ZDHHC15: variants seen among roughly 807,000 people sequenced by gnomAD.
The protein encoded by ZDHHC15 is zDHHC palmitoyltransferase 15.
A neutral mutation model predicts 31.7 loss-of-function variants in ZDHHC15; 19 were observed. That is an observed-to-expected ratio of 0.60 (90% CI 0.42 to 0.88). The LOEUF (loss-of-function observed/expected upper bound fraction) is 0.88, where lower values mean the gene tolerates loss of function less well. ZDHHC15 is among the 40% of genes least tolerant of loss of function. The pLI, the probability that ZDHHC15 is intolerant of heterozygous loss-of-function variation, is 0.00. For synonymous variants in ZDHHC15, 103 were observed against 90.0 expected, an observed-to-expected ratio of 1.14 and a Z score of -0.82; for missense variants, 209 against 251.2, an observed-to-expected ratio of 0.83 and a Z score of 1.14.
chrX:75,474,537 T>TAA (rs1213131057), intron 3 of ZDHHC15, among the ~76,000 whole-genome samples: 11 of 98,914 alleles, frequency 1.1e-4, no homozygotes, highest in Non-Finnish European at 1.8e-4. Context: ...TATATATATA[T>TAA]AATCCCCTTT....
intron 1 of ZDHHC15, 134 bp from the exon 2 acceptor site, chrX:75,505,981 A>T (rs952715189): frequency 5.2e-5 from 28 of 537,323 alleles, no homozygotes; most frequent in Non-Finnish European, 4.9e-5. Flanking sequence ...AATTTATATA[A>T]TAGTACTTTA....
chrX:75,519,387 C>T lies in ZDHHC15; in HGVS notation c.136+3502G>A, dbSNP rs146382120. ...TTTTCAGGCATCATGTTATTTGAGC[C>T]TCACAGCAGTAATACCTGGCATATA... On this transcript the variant is annotated intron_variant, in intron 1 of 11. Coordinates refer to ENST00000373367, the MANE Select transcript of ZDHHC15 (RefSeq NM_144969.3). Among the ~76,000 whole-genome samples, 9 of 111,085 alleles carry T rather than the reference C, an allele frequency of 8.1e-5. No homozygotes were observed. In the East Asian group the frequency reaches 2.6e-3, roughly 32 times the overall value.
At chrX:75,399,941 C>T (rs1444854440) in intron 10 of ZDHHC15, among the ~76,000 whole-genome samples, 1 of 111,503 alleles carries the variant, frequency 9.0e-6, no homozygotes, top group Non-Finnish European at 1.9e-5. Context: ...AAAGCCTCAG[C>T]CCAGTGAAAA....
At chrX:75,483,022 T>C (rs1211361987) in intron 2 of ZDHHC15, among the ~76,000 whole-genome samples, 2 of 105,467 alleles carry the variant, frequency 1.9e-5, no homozygotes, top group African/African-American at 3.5e-5. Context: ...TATATGTATA[T>C]ATATACACAC....
intron 4 of ZDHHC15, 122 bp downstream of exon 4, chrX:75,450,680 A>G: frequency 8.5e-7 from 1 of 1,182,153 alleles, no homozygotes; most frequent in Non-Finnish European, 1.1e-6. Flanking sequence ...GTGGAGAAAA[A>G]TCTCCATAGT....
chrX:75,384,870 A>G (rs1004692102), intron 10 of ZDHHC15: 1 of 518,750 alleles, frequency 1.9e-6, no homozygotes, highest in African/African-American at 2.4e-5. Context: ...GGCTGTAAAA[A>G]AAAAGATGGT....
chrX:75,421,408 TATAA>T (rs1175212633), intron 9 of ZDHHC15, among the ~76,000 whole-genome samples: 1 of 8,836 alleles, frequency 1.1e-4, no homozygotes, highest in Non-Finnish European at 8.1e-4. Flanking sequence ...ATTATATATA[TATAA>T]TATATATATA....
At chrX:75,419,154 G>T (rs2083588345) in intron 9 of ZDHHC15, among the ~76,000 whole-genome samples, 1 of 110,561 alleles carries the variant, frequency 9.0e-6, no homozygotes, top group African/African-American at 3.3e-5. Flanking sequence ...CCATCAGAGT[G>T]AACAGACAAT....
rs1017484766 is a variant in ZDHHC15, at chrX:75,407,118, T to C, written c.967+9969A>G. Among the ~76,000 whole-genome samples, 7 of 112,074 alleles carry C rather than the reference T, an allele frequency of 6.2e-5. No individual in the cohort carries two copies. The East Asian group carries it at 1.7e-3, about 27-fold the overall frequency. On this transcript the variant is annotated intron_variant, in intron 10 of 11. Coordinates refer to ENST00000373367, the MANE Select transcript of ZDHHC15 (RefSeq NM_144969.3). ...CCCAGCCGCTACCCCGTATGGGAAG[T>C]GAGGAGCGTCTCTGCCCGGCTGCCC...
chrX:75,406,144 T>C (rs754365244), intron 10 of ZDHHC15, among the ~76,000 whole-genome samples: 37 of 111,329 alleles, frequency 3.3e-4, no homozygotes, highest in African/African-American at 1.2e-3. Flanking sequence ...TTAAAAAATG[T>C]CTTGAAACAA....
intron 2 of ZDHHC15, among the ~76,000 whole-genome samples, chrX:75,492,616 G>T (rs747873296): frequency 9.0e-6 from 1 of 111,645 alleles, no homozygotes; most frequent in African/African-American, 3.3e-5. Context: ...TAGAAATCAG[G>T]ATTAAGAAAC....
intron 2 of ZDHHC15, among the ~76,000 whole-genome samples, chrX:75,492,619 T>A (rs769160424): frequency 1.8e-5 from 2 of 111,733 alleles, no homozygotes; most frequent in Admixed American, 9.6e-5. Flanking sequence ...AAATCAGGAT[T>A]AAGAAACTCA....
chrX:75,408,681 T>C (rs964195801), intron 10 of ZDHHC15, among the ~76,000 whole-genome samples: 16 of 112,444 alleles, frequency 1.4e-4, no homozygotes, highest in African/African-American at 4.2e-4. Flanking sequence ...GCAGATGACC[T>C]GATATTTAGG....
At chrX:75,374,601 T>C (rs1435251273) in intron 11 of ZDHHC15, among the ~76,000 whole-genome samples, 2 of 109,825 alleles carry the variant, frequency 1.8e-5, no homozygotes, top group Non-Finnish European at 3.8e-5. Context: ...TTTATGTGTA[T>C]GAGCAAAAAA....
chrX:75,469,010 G>A (rs1217025204), intron 3 of ZDHHC15, among the ~76,000 whole-genome samples: 2 of 110,384 alleles, frequency 1.8e-5, no homozygotes, highest in Admixed American at 9.8e-5. Flanking sequence ...TTCTTTGGAT[G>A]ATCATCTCAC....
chrX:75,379,230 G>A, intron 10 of ZDHHC15, 32 bp from the exon 11 acceptor site: 1 of 1,204,878 alleles, frequency 8.3e-7, no homozygotes, highest in Non-Finnish European at 1.1e-6. Context: ...ATGATCAAAT[G>A]TCCCCGTGCC....
chrX:75,506,449 A>G (rs2085166086), intron 1 of ZDHHC15, among the ~76,000 whole-genome samples: 1 of 111,983 alleles, frequency 8.9e-6, no homozygotes, highest in South Asian at 3.7e-4. Flanking sequence ...GGTCTATTTT[A>G]TTGGGTCTTA....
chrX:75,461,045 A>G (rs949472582), intron 3 of ZDHHC15, among the ~76,000 whole-genome samples: 7 of 111,693 alleles, frequency 6.3e-5, no homozygotes, highest in Admixed American at 5.7e-4. Flanking sequence ...AATCATGATA[A>G]AACAATACAG....
At chrX:75,434,669 G>T (rs377129378) in intron 4 of ZDHHC15, among the ~76,000 whole-genome samples, 65 of 111,573 alleles carry the variant, frequency 5.8e-4, no homozygotes, top group African/African-American at 2.1e-3. Context: ...CTTATTTCTG[G>T]GTTCCTATTC....
Sources: allele counts gnomAD v4.1 joint callset (sites outside exome capture counted in the v4.1 genomes callset), GRCh38; gene constraint gnomAD v4.1.1; transcripts MANE v1.5; gene names NCBI Gene and HGNC (gene_info 2026-07-23, HGNC 2026-07-21).